The following LAPTM5 variants were observed in gnomAD, a reference collection of about 807,000 sequenced individuals.
LAPTM5 encodes the protein lysosomal-associated transmembrane protein 5.
LAPTM5 carries 11 observed loss-of-function variants against 30.1 expected under a neutral mutation model. The observed-to-expected ratio is 0.37, with a 90% confidence interval of 0.23 to 0.60. The LOEUF is 0.60. Among genes scored for constraint, LAPTM5 ranks in the 20% least tolerant of loss-of-function variants. LAPTM5 has a pLI of 0.71. For missense variants in LAPTM5, 324 were observed against 332.5 expected (o/e 0.97, Z 0.20); for synonymous variants, 151 against 137.9 (o/e 1.10, Z -0.67).
chr1:30,737,763 C>T, intron 5 of LAPTM5, 64 bp from the exon 6 acceptor site: 2 of 1,062,890 alleles, frequency 1.9e-6, no homozygotes, highest in East Asian at 2.4e-5. Flanking sequence ...AGCACCCACA[C>T]ATCCGGGAAT....
chr1:30,739,045 G>C lies in LAPTM5; in HGVS notation c.405C>G (p.Pro135=). 1 of 1,598,664 alleles carries C rather than the reference G, an allele frequency of 6.3e-7. No homozygotes were observed. The highest frequency in any genetic ancestry group is 8.5e-7 in the Non-Finnish European group (1 of 1,171,958). Residue 135 remains proline (P), a synonymous_variant, in exon 5 of 8, where the codon CCC becomes CCG. Coordinates refer to ENST00000294507, the MANE Select transcript of LAPTM5 (RefSeq NM_006762.3). This position sits in a 1 kb window ranked among gnomAD's most constrained non-coding sequence, Gnocchi z 4.2. ...AGTCCAGCAGCTGCAGCGTCATCAG[G>C]GGGAACTTGGAGGAGCTCTGGGGAG... is the stretch of plus-strand genomic sequence containing the variant. ...SRSRASSSKF[P]LMTLQLLDFC...
rs1167329325 is a variant in LAPTM5 at position 30,739,792 on chromosome 1, G to A, written c.387+17C>T. 1.3e-6 allele frequency: 2 copies of A among 1,583,208 alleles called. No individual in the cohort carries two copies. Among genetic ancestry groups the A allele is most frequent in the Non-Finnish European group, 1.7e-6 (2 of 1,163,942 alleles). On this transcript the variant is annotated intron_variant, in intron 4 of 7. Transcript: ENST00000294507. The surrounding 1 kb of genome is among the most constrained non-coding windows in gnomAD (Gnocchi z 4.2). ...TGGGCTCTGCTGTCCGGTGAGAGGT[G>A]GGGGCTGGGTACTCACAGCACGGCT...
chr1:30,752,216 A>C (rs1557468565), intron 1 of LAPTM5, among the ~76,000 whole-genome samples: 1 of 152,136 alleles, frequency 6.6e-6, no homozygotes, highest in Non-Finnish European at 1.5e-5. Context: ...CAGCAGGGGG[A>C]CCTGAAGCAA....
At chr1:30,741,769 C>T in intron 2 of LAPTM5, 53 bp from the exon 3 acceptor site, 1 of 1,350,396 alleles carries the variant, frequency 7.4e-7, no homozygotes, top group Non-Finnish European at 1.0e-6. Flanking sequence ...GGGACCCCAG[C>T]CAGGCTCCCA....
At position 30,741,637 on chromosome 1, in the gene LAPTM5, C is replaced by T. The variant is rs769983309; in HGVS notation, c.258+3G>A. 2 of 1,594,978 alleles carry T rather than the reference C, an allele frequency of 1.3e-6. No individual in the cohort carries two copies. Reference sequence around the variant, plus strand: ...GGGGGCAGCGGGGCTCCTGAGCCCTCACCTTGACTACGCCGATCAGTAGGC... The same window carrying T: ...GGGGGCAGCGGGGCTCCTGAGCCCTTACCTTGACTACGCCGATCAGTAGGC... On this transcript the variant is annotated splice_donor_region_variant and intron_variant, in intron 3 of 7. Transcript: ENST00000294507.
At chr1:30,734,316 T>C (rs879708428) in intron 7 of LAPTM5, among the ~76,000 whole-genome samples, 3 of 152,160 alleles carry the variant, frequency 2.0e-5, no homozygotes, top group African/African-American at 4.8e-5. Context: ...GTGGCCCAAG[T>C]TGGTCCAATC....
chr1:30,733,935 A>G lies in LAPTM5; in HGVS notation c.700-18T>C, dbSNP rs1639852436. 4.4e-6 allele frequency: 7 copies of G among 1,608,694 alleles called. No homozygotes were observed. The East Asian group carries it at 1.6e-4, about 36-fold the overall frequency. ...AGGACCACCTGGGAGAGACAGAGAG[A>G]TGAGGGCTGAGTATGGTCAAGAATG... On this transcript the variant is annotated intron_variant, in intron 7 of 7. Transcript: ENST00000294507.
rs932881588 is a variant in LAPTM5, at chr1:30,739,390, C to T, written c.388-328G>A. On this transcript the variant is annotated intron_variant, in intron 4 of 7. Transcript: ENST00000294507. The surrounding 1 kb of genome is among the most constrained non-coding windows in gnomAD (Gnocchi z 4.2). ...CCTTGACTGGCAGCAGCCCTCAAGC[C>T]ACCCCACAGTGGGCGCTCACTGGCA... Among the ~76,000 whole-genome samples the T allele has an allele frequency of 6.6e-6, 1 of 152,222 alleles. No homozygotes were observed. The highest frequency in any genetic ancestry group is 1.5e-5 in the Non-Finnish European group (1 of 68,042).
At chr1:30,738,836 A>G in intron 5 of LAPTM5, 104 bp downstream of exon 5, 1 of 1,282,644 alleles carries the variant, frequency 7.8e-7, no homozygotes, top group South Asian at 1.4e-5. Context: ...CCAAGCTCCA[A>G]CTCCAGGGAA....
At chr1:30,757,596 C>T in intron 1 of LAPTM5, 63 bp downstream of exon 1, 1 of 1,531,728 alleles carries the variant, frequency 6.5e-7, no homozygotes, top group Non-Finnish European at 8.9e-7. Context: ...GATGACGGGT[C>T]ACCGCAGACA....
At chr1:30,748,491 C>A (rs1205525019) in intron 1 of LAPTM5, among the ~76,000 whole-genome samples, 1 of 152,204 alleles carries the variant, frequency 6.6e-6, no homozygotes, top group African/African-American at 2.4e-5. Flanking sequence ...ACCCTGATTT[C>A]CCTGGGTTGC....
intron 1 of LAPTM5, among the ~76,000 whole-genome samples, chr1:30,744,389 G>C (rs1157945373): frequency 6.6e-6 from 1 of 152,164 alleles, no homozygotes; most frequent in Non-Finnish European, 1.5e-5. Flanking sequence ...GCAGATGACA[G>C]CTCCGTCCAG....
Position 30,733,373 on chromosome 1 carries a change from A to G in LAPTM5, c.*455T>C, listed in dbSNP as rs990296785. 2.5e-6 allele frequency: 1 copy of G among 392,346 alleles called. No homozygotes were observed. Among genetic ancestry groups the G allele is most frequent in the African/African-American group, 2.1e-5 (1 of 46,874 alleles). 24.3% of individuals were successfully genotyped at this position (392,346 alleles called of 1,614,324 possible). A position where few individuals can be genotyped will look rare whatever the true frequency, so the allele number is the denominator to read the frequency against. ...ATATATAGGGGGTAACTAATTAATG[A>G]TTACTTGATTAAATTGCTATGTGAA... On this transcript the variant is annotated 3_prime_UTR_variant, in exon 8 of 8. Coordinates refer to ENST00000294507, the MANE Select transcript of LAPTM5 (RefSeq NM_006762.3).
rs1639934839 is a variant in LAPTM5, at chr1:30,739,362, T to C, written c.388-300A>G. ...TGAGAAAAGCAGGTTTGGGAGACTG[T>C]GTCCTTGACTGGCAGCAGCCCTCAA... On this transcript the variant is annotated intron_variant, in intron 4 of 7. Coordinates refer to ENST00000294507, the MANE Select transcript of LAPTM5 (RefSeq NM_006762.3). This position sits in a 1 kb window ranked among gnomAD's most constrained non-coding sequence, Gnocchi z 4.2. The C allele has an allele frequency of 3.5e-6, 1 of 287,204 alleles. No homozygotes were observed. The highest frequency in any genetic ancestry group is 6.7e-6 in the Non-Finnish European group (1 of 150,246). The allele number at this position is 287,204 out of a possible 1,614,324, so 17.8% of individuals were successfully genotyped here.
chr1:30,752,685 C>A (rs1640154347), intron 1 of LAPTM5, among the ~76,000 whole-genome samples: 1 of 152,206 alleles, frequency 6.6e-6, no homozygotes, highest in African/African-American at 2.4e-5. Context: ...GGCAGACTGG[C>A]CCCTCAAGGG....
rs1461658199 is a variant in LAPTM5 at position 30,733,640 on chromosome 1, C to T, written c.*188G>A. ...ACCCGAGGAGTGACTCAGCCTAAAG[C>T]GTTGACCCAGTTGTGAGCAGCTCAC... On this transcript the variant is annotated 3_prime_UTR_variant, in exon 8 of 8. Coordinates refer to ENST00000294507, the MANE Select transcript of LAPTM5 (RefSeq NM_006762.3). 2.0e-6 allele frequency: 3 copies of T among 1,532,880 alleles called. No individual in the cohort carries two copies. Among genetic ancestry groups the T allele is most frequent in the South Asian group, 1.2e-5 (1 of 83,182 alleles). The allele number at this position is 1,532,880 out of a possible 1,614,324, so 95.0% of individuals were successfully genotyped here. A position where few individuals can be genotyped will look rare whatever the true frequency, so the allele number is the denominator to read the frequency against.
intron 1 of LAPTM5, among the ~76,000 whole-genome samples, chr1:30,756,940 C>G (rs1640219515): frequency 6.6e-6 from 1 of 152,198 alleles, no homozygotes; most frequent in African/African-American, 2.4e-5. Context: ...CCCCCGGGCA[C>G]TGTGACTTGC....
intron 1 of LAPTM5, among the ~76,000 whole-genome samples, chr1:30,753,036 C>T (rs1640160161): frequency 6.6e-6 from 1 of 151,868 alleles, no homozygotes; most frequent in African/African-American, 2.4e-5. Context: ...CCCGCCTCAA[C>T]CTCCCAAAAT....
intron 1 of LAPTM5, among the ~76,000 whole-genome samples, chr1:30,749,859 C>T (rs1374925040): frequency 6.6e-6 from 1 of 152,204 alleles, no homozygotes; most frequent in Admixed American, 6.5e-5. Flanking sequence ...GCTGAATACG[C>T]AGCAGGCCTC....
Sources: allele counts gnomAD v4.1 joint callset (sites outside exome capture counted in the v4.1 genomes callset), GRCh38; gene constraint gnomAD v4.1.1; non-coding constraint Gnocchi (gnomAD v3.1); transcripts MANE v1.5; gene names NCBI Gene and HGNC (gene_info 2026-07-23, HGNC 2026-07-21).